Variants in PUDP observed in about 807,000 individuals in gnomAD.
PUDP encodes the protein pseudouridine 5'-phosphatase.
PUDP carries 8 observed loss-of-function variants against 9.4 expected under a neutral mutation model. The ratio of observed to expected loss-of-function variants is 0.85; its 90% confidence interval spans 0.50 to 1.53. The LOEUF (loss-of-function observed/expected upper bound fraction) is 1.53. Among genes scored for constraint, PUDP ranks in the 40% most tolerant of loss-of-function variants. The pLI is 0.00. For synonymous variants in PUDP, 99 were observed against 80.7 expected (o/e 1.23, Z -1.22); for missense variants, 188 against 189.7 (o/e 0.99, Z 0.05).
At chrX:6,978,124 G>C (rs1047981641) in intron 2 of PUDP, among the ~76,000 whole-genome samples, 2 of 112,236 alleles carry the variant, frequency 1.8e-5, no homozygotes, top group Admixed American at 1.9e-4. Flanking sequence ...CAAATTCCAT[G>C]GCTATGGGTT....
At chrX:6,957,701 G>A (rs1474437577) in intron 3 of PUDP, among the ~76,000 whole-genome samples, 6 of 112,328 alleles carry the variant, frequency 5.3e-5, no homozygotes, top group Middle Eastern at 4.6e-3. Context: ...AAGTAGAGGC[G>A]GAAAGAATTT....
intron 3 of PUDP, among the ~76,000 whole-genome samples, chrX:7,066,199 C>T (rs12557020): frequency 0.22 from 24,535 of 110,671 alleles, 2,295 homozygotes; most frequent in Admixed American, 0.4. Flanking sequence ...CACAGCTGGT[C>T]ACCAGCCAAC....
chrX:6,948,247 G>A (rs1928497586), intron 3 of PUDP, among the ~76,000 whole-genome samples: 1 of 111,781 alleles, frequency 8.9e-6, no homozygotes, highest in Non-Finnish European at 1.9e-5. Context: ...GAGGAAAGGA[G>A]TGCCTTTCTC....
At chrX:6,747,455 A>G (rs1273758662) in intron 3 of PUDP, among the ~76,000 whole-genome samples, 1 of 112,447 alleles carries the variant, frequency 8.9e-6, no homozygotes. Flanking sequence ...TTAACTATAC[A>G]TATCATTTTA....
At chrX:6,982,069 C>T (rs998309598) in intron 1 of PUDP, among the ~76,000 whole-genome samples, 1 of 99,466 alleles carries the variant, frequency 1.0e-5, no homozygotes, top group African/African-American at 3.6e-5. Flanking sequence ...CACGCACATA[C>T]CCAAGAGAAA....
chrX:6,930,555 AC>A lies in PUDP; in HGVS notation c.*247+46577del, dbSNP rs1158682194. Among the ~76,000 whole-genome samples the A allele has an allele frequency of 3.6e-5, 4 of 110,838 alleles. 1 individual carries two copies. The Admixed American group carries it at 3.8e-4, about 11-fold the overall frequency. Reference sequence around the variant, plus strand: ...GAACTCTCAGTTCTGGGAAAACCCCACCCCCTTCCCAGAAAACTCATGAATA... The same window carrying A: ...GAACTCTCAGTTCTGGGAAAACCCCACCCCTTCCCAGAAAACTCATGAATA... On this transcript the variant is annotated intron_variant and NMD_transcript_variant, in intron 3 of 3. Coordinates refer to the PUDP transcript ENST00000655425.
chrX:7,103,995 C>T (rs1267595481), intron 2 of PUDP, among the ~76,000 whole-genome samples: 1 of 111,946 alleles, frequency 8.9e-6, no homozygotes, highest in African/African-American at 3.2e-5. Context: ...ATGGTGGTCA[C>T]TCAAAAATTA....
intron 1 of PUDP, among the ~76,000 whole-genome samples, chrX:7,041,508 C>T (rs1248224197): frequency 8.9e-6 from 1 of 112,343 alleles, no homozygotes; most frequent in Non-Finnish European, 1.9e-5. Context: ...CTGTCCATCT[C>T]ATCCCCTTTG....
At chrX:7,043,170 C>A (rs1014380909) in intron 1 of PUDP, among the ~76,000 whole-genome samples, 2 of 111,784 alleles carry the variant, frequency 1.8e-5, no homozygotes, top group Non-Finnish European at 3.8e-5. Context: ...GTGCACAGCA[C>A]GTGAGTTTAC....
At chrX:7,109,163 T>C (rs1019921869) in intron 1 of PUDP, among the ~76,000 whole-genome samples, 2 of 111,866 alleles carry the variant, frequency 1.8e-5, no homozygotes, top group Non-Finnish European at 3.8e-5. Flanking sequence ...AAAAGCCTCC[T>C]CTAAGGGAGG....
chrX:6,957,706 G>C, intron 3 of PUDP, among the ~76,000 whole-genome samples: 1 of 112,478 alleles, frequency 8.9e-6, no homozygotes, highest in Non-Finnish European at 1.9e-5. Context: ...GAGGCGGAAA[G>C]AATTTGGAAG....
At chrX:6,805,689 T>C (rs753575353) in intron 3 of PUDP, among the ~76,000 whole-genome samples, 17 of 108,099 alleles carry the variant, frequency 1.6e-4, no homozygotes, top group African/African-American at 5.7e-4. Flanking sequence ...GGGGCTAATT[T>C]TTTTTTTTTT....
chrX:7,111,827 T>G (rs1932059153), intron 1 of PUDP, among the ~76,000 whole-genome samples: 1 of 111,370 alleles, frequency 9.0e-6, no homozygotes, highest in Admixed American at 9.5e-5. Context: ...GGCCCAGAAT[T>G]ACCTCTGAGC....
At chrX:7,045,795 T>C (rs1360017911), downstream of PUDP, among the ~76,000 whole-genome samples, 1 of 111,565 alleles carries the variant, frequency 9.0e-6, no homozygotes, top group African/African-American at 3.3e-5. Context: ...ACCTGAACGG[T>C]AGCTAGAAAA....
At chrX:7,140,131 T>C (rs1215771666) in intron 1 of PUDP, among the ~76,000 whole-genome samples, 1 of 112,326 alleles carries the variant, frequency 8.9e-6, no homozygotes, top group Non-Finnish European at 1.9e-5. Flanking sequence ...TAGAAATGCA[T>C]GTGTTAGGAT....
chrX:7,111,249 C>G (rs1177426156), intron 1 of PUDP, among the ~76,000 whole-genome samples: 1 of 111,163 alleles, frequency 9.0e-6, no homozygotes, highest in Non-Finnish European at 1.9e-5. Flanking sequence ...TACCCAGTCT[C>G]AGGGAAGTTC....
chrX:6,870,143 A>G (rs188294077), intron 3 of PUDP, among the ~76,000 whole-genome samples: 1 of 112,087 alleles, frequency 8.9e-6, no homozygotes, highest in Non-Finnish European at 1.9e-5. Context: ...CATCATGCTT[A>G]GCGAAATAAG....
intron 3 of PUDP, among the ~76,000 whole-genome samples, chrX:6,911,150 AT>A (rs758224275): frequency 9.2e-6 from 1 of 108,750 alleles, no homozygotes; most frequent in Non-Finnish European, 1.9e-5. Flanking sequence ...ATAAACTTTC[AT>A]TTTTTTAATA....
At chrX:6,975,756 C>T (rs966866936) in intron 3 of PUDP, among the ~76,000 whole-genome samples, 1 of 112,259 alleles carries the variant, frequency 8.9e-6, no homozygotes, top group Non-Finnish European at 1.9e-5. Flanking sequence ...GGGAGATCCA[C>T]TGTTCTCTTC....
Sources: allele counts gnomAD v4.1 joint callset (sites outside exome capture counted in the v4.1 genomes callset), GRCh38; gene constraint gnomAD v4.1.1; transcripts MANE v1.5; gene names NCBI Gene and HGNC (gene_info 2026-07-23, HGNC 2026-07-21).